The following FBXL20 variants were observed in gnomAD, a reference collection of about 807,000 sequenced individuals.
FBXL20 encodes the protein F-box/LRR-repeat protein 20.
A neutral mutation model predicts 64.0 loss-of-function variants in FBXL20; 11 were observed. That is an observed-to-expected ratio of 0.17 (90% CI 0.11 to 0.28). The LOEUF (loss-of-function observed/expected upper bound fraction) is 0.28. Ranked by LOEUF, FBXL20 falls within the 10% of genes least tolerant of loss-of-function variation. The pLI is 1.00. For missense variants in FBXL20, 303 were observed against 526.2 expected, an observed-to-expected ratio of 0.58 and a Z score of 4.15; for synonymous variants, 184 against 189.0, an observed-to-expected ratio of 0.97 and a Z score of 0.22.
In FBXL20 at chr17:39,389,831, A is replaced by T. The variant is rs2048118686; in HGVS notation, c.42+11530T>A. Among the ~76,000 whole-genome samples, 3 of 152,118 alleles carry T rather than the reference A, an allele frequency of 2.0e-5. No homozygotes were observed. The South Asian group carries it at 6.2e-4, about 32-fold the overall frequency. On this transcript the variant is annotated intron_variant, in intron 1 of 14. Transcript: ENST00000264658. ...AGACTCTGTCTCTAAATAAACAAAT[A>T]AATAAATAAATGCATCTTTAATGTC... is the stretch of plus-strand genomic sequence containing the variant.
intron 1 of FBXL20, among the ~76,000 whole-genome samples, chr17:39,365,038 G>T (rs935889569): frequency 5.9e-5 from 9 of 152,080 alleles, no homozygotes; most frequent in Admixed American, 5.2e-4. Context: ...TTTAAAAAAA[G>T]AAATTTCATA....
chr17:39,282,721 A>G lies in FBXL20; in HGVS notation c.621+8T>C. On this transcript the variant is annotated splice_region_variant and intron_variant, in intron 8 of 14. Coordinates refer to ENST00000264658, the MANE Select transcript of FBXL20 (RefSeq NM_032875.3). The stretch of plus-strand genomic sequence containing the variant: ...TCCGAATTTCACGAGCCCTACATGG[A>G]GTATTACCTGCGTGCAGCCTTTTAA... The G allele has an allele frequency of 6.2e-7, 1 of 1,614,106 alleles. No individual in the cohort carries two copies. The highest frequency in any genetic ancestry group is 1.1e-5 in the South Asian group (1 of 91,074).
intron 1 of FBXL20, among the ~76,000 whole-genome samples, chr17:39,376,432 G>GGCATT (rs1008965391): frequency 4.6e-5 from 7 of 152,194 alleles, no homozygotes; most frequent in Admixed American, 6.5e-5. Flanking sequence ...TGTCCATAAG[G>GGCATT]GCATTGGTAA....
At chr17:39,393,560 C>T (rs1022312373) in intron 1 of FBXL20, among the ~76,000 whole-genome samples, 1 of 152,062 alleles carries the variant, frequency 6.6e-6, no homozygotes, top group African/African-American at 2.4e-5. Flanking sequence ...AATTGGATTT[C>T]CTTTTTTGTT....
rs2048245053 is a variant in FBXL20, at chr17:39,401,544, C to T, written c.-142G>A. The stretch of plus-strand genomic sequence containing the variant: ...GGGACCGTGGGACGGGAACAAGAGA[C>T]CTCTCGGCTCCGGCTAGGCCTCCAC... On this transcript the variant is annotated 5_prime_UTR_variant, in exon 1 of 15. Coordinates refer to ENST00000264658, the MANE Select transcript of FBXL20 (RefSeq NM_032875.3). 7 of 1,433,170 alleles carry T rather than the reference C, an allele frequency of 4.9e-6. No individual in the cohort carries two copies. The highest frequency in any genetic ancestry group is 1.5e-5 in the African/African-American group (1 of 66,802). 88.8% of individuals were successfully genotyped at this position (1,433,170 alleles called of 1,614,324 possible). A position where few individuals can be genotyped will look rare whatever the true frequency, so the allele number is the denominator to read the frequency against.
intron 1 of FBXL20, among the ~76,000 whole-genome samples, chr17:39,391,689 A>G (rs2048135085): frequency 6.6e-6 from 1 of 152,204 alleles, no homozygotes. Flanking sequence ...TAATAACATC[A>G]AAAGATATAG....
chr17:39,341,125 A>G (rs962649388), intron 2 of FBXL20, among the ~76,000 whole-genome samples: 2 of 152,110 alleles, frequency 1.3e-5, no homozygotes, highest in Non-Finnish European at 2.9e-5. Context: ...ATAAGTATTA[A>G]GTGTTTTGTG....
chr17:39,281,954 A>G (rs1036110699), intron 8 of FBXL20, among the ~76,000 whole-genome samples: 2 of 152,204 alleles, frequency 1.3e-5, no homozygotes, highest in Non-Finnish European at 2.9e-5. Context: ...ATAATGATAC[A>G]TTCCAATCAG....
intron 14 of FBXL20, among the ~76,000 whole-genome samples, chr17:39,262,118 T>C (rs2046752085): frequency 2.0e-5 from 3 of 151,890 alleles, no homozygotes; most frequent in African/African-American, 4.8e-5. Context: ...TCTCATTCTC[T>C]TTGGTGAAGA....
intron 1 of FBXL20, 148 bp downstream of exon 1, chr17:39,401,213 C>T: frequency 1.3e-6 from 2 of 1,503,888 alleles, no homozygotes; most frequent in Non-Finnish European, 8.9e-7. Context: ...GCTTCTGGGT[C>T]GCAAGAAAGG....
intron 1 of FBXL20, among the ~76,000 whole-genome samples, chr17:39,389,855 T>C (rs758013820): frequency 8.5e-5 from 13 of 152,082 alleles, no homozygotes; most frequent in Non-Finnish European, 1.3e-4. Context: ...ATCTTTAATG[T>C]CTGTGTTTAA....
At position 39,401,603 on chromosome 17, in the gene FBXL20, C is replaced by G. The variant is rs1335479886; in HGVS notation, c.-201G>C. Reference sequence around the variant, plus strand: ...GCGGCGCCGGCGGCCGCAACGACTGCTCGTCGCTAGCTCGGCTCTCTCCTC... The same window carrying G: ...GCGGCGCCGGCGGCCGCAACGACTGGTCGTCGCTAGCTCGGCTCTCTCCTC... On this transcript the variant is annotated 5_prime_UTR_variant, in exon 1 of 15. Transcript: ENST00000264658. 1.7e-5 allele frequency: 24 copies of G among 1,405,492 alleles called. No homozygotes were observed. Among genetic ancestry groups the G allele is most frequent in the Non-Finnish European group, 2.1e-5 (23 of 1,089,056 alleles). 87.1% of individuals were successfully genotyped at this position (1,405,492 alleles called of 1,614,324 possible).
chr17:39,360,664 T>C (rs2047785748), intron 1 of FBXL20, among the ~76,000 whole-genome samples: 2 of 152,186 alleles, frequency 1.3e-5, no homozygotes, highest in Admixed American at 6.5e-5. Context: ...TTCAGAAATG[T>C]CTGTCAGAAT....
intron 14 of FBXL20, among the ~76,000 whole-genome samples, chr17:39,263,650 C>T (rs928234708): frequency 2.0e-5 from 3 of 152,126 alleles, no homozygotes; most frequent in Non-Finnish European, 4.4e-5. Flanking sequence ...TAACAAGGTG[C>T]CACTGCACTC....
chr17:39,310,252 C>T (rs907751563), intron 2 of FBXL20, among the ~76,000 whole-genome samples: 2 of 151,804 alleles, frequency 1.3e-5, no homozygotes, highest in Admixed American at 1.3e-4. Flanking sequence ...CCAATGTGTC[C>T]AACTGGAGTC....
At chr17:39,263,034 T>C (rs529935529) in intron 14 of FBXL20, among the ~76,000 whole-genome samples, 40 of 151,746 alleles carry the variant, frequency 2.6e-4, no homozygotes, top group African/African-American at 9.4e-4. Flanking sequence ...CTTTTTCTAG[T>C]TATTTGGCTA....
chr17:39,352,285 C>T (rs1175029789), intron 1 of FBXL20, among the ~76,000 whole-genome samples: 1 of 151,988 alleles, frequency 6.6e-6, no homozygotes, highest in Non-Finnish European at 1.5e-5. Context: ...GTTCCAGCTA[C>T]TTGGTAGGCT....
At chr17:39,309,933 G>A (rs2047217238) in intron 2 of FBXL20, among the ~76,000 whole-genome samples, 1 of 151,626 alleles carries the variant, frequency 6.6e-6, no homozygotes. Context: ...CAGACAGATT[G>A]AGACTGAGCC....
At position 39,261,407 on chromosome 17, in the gene FBXL20, G is replaced by C; in HGVS notation, c.*53C>G. ...CTTCCACTGGAGAGACTCCACGGTA[G>C]CTCTAGAAGTGTCATTAAATACTCA... On this transcript the variant is annotated 3_prime_UTR_variant, in exon 15 of 15. Coordinates refer to ENST00000264658, the MANE Select transcript of FBXL20 (RefSeq NM_032875.3). 7.1e-7 allele frequency: 1 copy of C among 1,411,398 alleles called. No homozygotes were observed. The highest frequency in any genetic ancestry group is 1.2e-5 in the South Asian group (1 of 86,816). 87.4% of individuals were successfully genotyped at this position (1,411,398 alleles called of 1,614,324 possible).
Sources: gnomAD v4.1 joint callset for allele counts (sites outside exome capture counted in the v4.1 genomes callset) on GRCh38, gnomAD v4.1.1 for gene constraint, MANE v1.5 for transcripts, NCBI Gene and HGNC (gene_info 2026-07-23, HGNC 2026-07-21) for gene names.